Variants in WDR49 observed in about 807,000 individuals in gnomAD.
The protein encoded by WDR49 is WD repeat domain 49, also known as cilia- and flagella-associated protein 337.
In WDR49, 107 loss-of-function variants were observed where a neutral mutation model predicts 119.5. That is an observed-to-expected ratio of 0.90 (90% CI 0.77 to 1.05). WDR49 has a LOEUF of 1.05. WDR49 is among the 50% of genes least tolerant of loss of function. The pLI, the probability that WDR49 is intolerant of heterozygous loss-of-function variation, is 0.00. For synonymous variants in WDR49, 425 were observed against 418.8 expected, an observed-to-expected ratio of 1.01 and a Z score of -0.18; for missense variants, 1,240 against 1,220.5, an observed-to-expected ratio of 1.02 and a Z score of -0.24.
At chr3:167,653,566 G>A (rs1338493602) in intron 1 of WDR49, 67 bp from the exon 2 acceptor site, 8 of 972,560 alleles carry the variant, frequency 8.2e-6, no homozygotes, top group African/African-American at 1.7e-5. Context: ...CAAGGCATAC[G>A]ATCAGGAGGC....
At chr3:167,587,284 G>A (rs1714868179) in intron 7 of WDR49, among the ~76,000 whole-genome samples, 1 of 152,072 alleles carries the variant, frequency 6.6e-6, no homozygotes, top group African/African-American at 2.4e-5. Context: ...GAAACAAAGT[G>A]CTAAAAGATC....
rs1405699125 is a variant in WDR49 at position 167,653,855 on chromosome 3, T to C, written c.-96A>G. The C allele has an allele frequency of 1.3e-5, 2 of 154,502 alleles. No homozygotes were observed. The highest frequency in any genetic ancestry group is 2.9e-5 in the Non-Finnish European group (2 of 69,510). The allele number at this position is 154,502 out of a possible 1,614,324, so 9.6% of individuals were successfully genotyped here. A position where few individuals can be genotyped will look rare whatever the true frequency, so the allele number is the denominator to read the frequency against. ...TAACCTTGCTTCCATTAACATGTTG[T>C]AGTTTTCAATTCCACTTTCTTGTCT... is the stretch of plus-strand genomic sequence containing the variant. On this transcript the variant is annotated 5_prime_UTR_variant, in exon 1 of 19. Transcript: ENST00000682715.
At chr3:167,556,943 T>C (rs1181390851) in intron 9 of WDR49, among the ~76,000 whole-genome samples, 2 of 152,146 alleles carry the variant, frequency 1.3e-5, no homozygotes, top group African/African-American at 4.8e-5. Flanking sequence ...GAGAATAGCT[T>C]GAACCCAGAA....
At chr3:167,572,528 C>T (rs1713993227) in intron 8 of WDR49, among the ~76,000 whole-genome samples, 1 of 152,074 alleles carries the variant, frequency 6.6e-6, no homozygotes, top group South Asian at 2.1e-4. Flanking sequence ...ATCAAGAGAC[C>T]ATGGGCTGAA....
upstream of WDR49, among the ~76,000 whole-genome samples, chr3:167,656,774 A>C (rs578031262): frequency 6.6e-6 from 1 of 152,304 alleles, no homozygotes; most frequent in South Asian, 2.1e-4. Context: ...AAAATCCATA[A>C]CTAGTGTCTT....
chr3:167,545,374 T>C (rs1712111471), intron 10 of WDR49, among the ~76,000 whole-genome samples: 1 of 151,458 alleles, frequency 6.6e-6, no homozygotes, highest in African/African-American at 2.4e-5. Context: ...GAAGTCATTA[T>C]ATGAAAAAGA....
intron 18 of WDR49, among the ~76,000 whole-genome samples, chr3:167,494,587 G>A (rs1228694015): frequency 6.6e-6 from 1 of 152,168 alleles, no homozygotes; most frequent in Non-Finnish European, 1.5e-5. Flanking sequence ...TCCTAGATGA[G>A]CTAAAATTGC....
intron 10 of WDR49, among the ~76,000 whole-genome samples, chr3:167,538,414 GT>G (rs1264931605): frequency 1.3e-5 from 2 of 151,988 alleles, no homozygotes; most frequent in Non-Finnish European, 2.9e-5. Context: ...TCTGCAATAT[GT>G]TACATATTCG....
intron 16 of WDR49, among the ~76,000 whole-genome samples, chr3:167,516,885 C>A (rs963572258): frequency 6.6e-6 from 1 of 152,084 alleles, no homozygotes; most frequent in African/African-American, 2.4e-5. Flanking sequence ...AAACAAACAA[C>A]CCCATCAAAA....
upstream of WDR49, among the ~76,000 whole-genome samples, chr3:167,657,691 C>T (rs1299133862): frequency 6.6e-6 from 1 of 152,208 alleles, no homozygotes; most frequent in African/African-American, 2.4e-5. Context: ...CAACTGAAAT[C>T]AGTTTTACCT....
chr3:167,618,856 A>G (rs1291493234), intron 5 of WDR49, among the ~76,000 whole-genome samples: 1 of 152,186 alleles, frequency 6.6e-6, no homozygotes, highest in Non-Finnish European at 1.5e-5. Context: ...CTAGAGAACA[A>G]TCCTTGTCCT....
intron 5 of WDR49, among the ~76,000 whole-genome samples, chr3:167,615,416 G>A (rs1039704374): frequency 2.0e-5 from 3 of 148,628 alleles, no homozygotes; most frequent in African/African-American, 7.5e-5. Context: ...GATTACAGGC[G>A]TGGACCACCA....
intron 10 of WDR49, among the ~76,000 whole-genome samples, chr3:167,541,536 G>A (rs370583492): frequency 3.9e-5 from 6 of 152,046 alleles, no homozygotes; most frequent in African/African-American, 1.4e-4. Context: ...AAGGCTAGAA[G>A]GAGTTCTAAA....
intron 3 of WDR49, among the ~76,000 whole-genome samples, chr3:167,624,345 T>TA (rs200365249): frequency 0.013 from 1,801 of 143,520 alleles, 24 homozygotes; most frequent in African/African-American, 0.035. Context: ...TATGCCATGG[T>TA]AAAAAAAAAA....
At chr3:167,527,450 G>T (rs764203115) in intron 15 of WDR49, among the ~76,000 whole-genome samples, 1 of 151,820 alleles carries the variant, frequency 6.6e-6, no homozygotes, top group Non-Finnish European at 1.5e-5. Flanking sequence ...TGATTATTAC[G>T]TTCTTAGTTA....
intron 2 of WDR49, 21 bp downstream of exon 2, chr3:167,653,240 G>C (rs1718473300): frequency 6.5e-7 from 1 of 1,535,742 alleles, no homozygotes; most frequent in Non-Finnish European, 8.7e-7. Flanking sequence ...AAACTATCTG[G>C]TCAATAAGCT....
chr3:167,590,558 A>G (rs112197543), intron 7 of WDR49, among the ~76,000 whole-genome samples: 9 of 152,074 alleles, frequency 5.9e-5, no homozygotes, highest in African/African-American at 2.2e-4. Context: ...AGAGGCTTTT[A>G]ACTATGGCTT....
intron 15 of WDR49, among the ~76,000 whole-genome samples, chr3:167,526,338 G>A (rs1752626976): frequency 6.6e-6 from 1 of 152,166 alleles, no homozygotes; most frequent in Admixed American, 6.6e-5. Flanking sequence ...ACCTAGAACG[G>A]TGTTATTTCT....
chr3:167,574,974 G>A (rs2108282985), intron 8 of WDR49: 2 of 756,338 alleles, frequency 2.6e-6, no homozygotes, highest in Non-Finnish European at 3.2e-6. Flanking sequence ...GTTTTAAATA[G>A]TGACACGACA....
Sources: gnomAD v4.1 joint callset for allele counts (sites outside exome capture counted in the v4.1 genomes callset) on GRCh38, gnomAD v4.1.1 for gene constraint, MANE v1.5 for transcripts, NCBI Gene and HGNC (gene_info 2026-07-23, HGNC 2026-07-21) for gene names.